The following R3HDM1 variants were observed in gnomAD, a reference collection of about 807,000 sequenced individuals.
R3HDM1 encodes the protein R3H domain containing 1.
Under a neutral mutation model 141.1 loss-of-function variants are expected in R3HDM1, and 46 were observed. The observed-to-expected ratio is 0.33, with a 90% CI of 0.26 to 0.42. R3HDM1 has a LOEUF of 0.42. R3HDM1 is among the 10% of genes least tolerant of loss of function. R3HDM1 has a pLI of 1.00. For synonymous variants in R3HDM1, 435 were observed against 472.9 expected, an observed-to-expected ratio of 0.92 and a Z score of 1.04; for missense variants, 1,184 against 1,368.3, an observed-to-expected ratio of 0.87 and a Z score of 2.12.
chr2:135,640,640 G>C (rs2063704544), intron 14 of R3HDM1, among the ~76,000 whole-genome samples: 1 of 152,162 alleles, frequency 6.6e-6, no homozygotes, highest in Non-Finnish European at 1.5e-5. Context: ...CTGTCCTTCA[G>C]AAGGCAATCT....
At position 135,693,124 on chromosome 2, in the gene R3HDM1, A is replaced by T. The variant is rs191456586; in HGVS notation, c.2459+12800A>T. Among the ~76,000 whole-genome samples the T allele has an allele frequency of 2.3e-4, 35 of 152,350 alleles. 1 individual carries two copies. The highest frequency in any genetic ancestry group is 1.4e-3 in the Admixed American group (22 of 15,304). Reference sequence around the variant, plus strand: ...CAAGGGGAAAAATAAGTTTCCATAAATTTTTATTGCTAAAATTCAAAATAT... The same window carrying T: ...CAAGGGGAAAAATAAGTTTCCATAATTTTTTATTGCTAAAATTCAAAATAT... On this transcript the variant is annotated intron_variant, in intron 21 of 26. Coordinates refer to ENST00000683871, the MANE Select transcript of R3HDM1 (RefSeq NM_001378107.1).
intron 3 of R3HDM1, chr2:135,607,892 T>G (rs953924312): frequency 9.2e-6 from 9 of 982,654 alleles, no homozygotes; most frequent in African/African-American, 3.5e-5. Context: ...GGGTATGGTC[T>G]TTGACCTCTT....
intron 3 of R3HDM1, chr2:135,605,744 G>C (rs2105116443): frequency 6.6e-6 from 1 of 152,494 alleles, no homozygotes; most frequent in African/African-American, 2.4e-5. Flanking sequence ...GAGTGCAGTG[G>C]TGTGATCTCG....
intron 19 of R3HDM1, among the ~76,000 whole-genome samples, chr2:135,674,074 G>A (rs1373836444): frequency 6.6e-6 from 1 of 152,026 alleles, no homozygotes; most frequent in East Asian, 1.9e-4. Flanking sequence ...ACCTGGCCAA[G>A]ATTTTTAGTT....
chr2:135,634,510 G>A (rs2063063209), intron 9 of R3HDM1, among the ~76,000 whole-genome samples: 1 of 152,066 alleles, frequency 6.6e-6, no homozygotes, highest in African/African-American at 2.4e-5. Context: ...TGGGCATGGT[G>A]GCACCCTCCT....
chr2:135,543,556 T>C (rs1050588707), intron 1 of R3HDM1, among the ~76,000 whole-genome samples: 2 of 152,058 alleles, frequency 1.3e-5, no homozygotes, highest in African/African-American at 4.8e-5. Context: ...TGTAAGTCAA[T>C]GTGGATAGTA....
intron 7 of R3HDM1, chr2:135,622,946 A>T (rs1208293074): frequency 6.1e-6 from 6 of 980,732 alleles, no homozygotes; most frequent in Non-Finnish European, 7.3e-6. Flanking sequence ...ATGATGTATG[A>T]ATTTTGGGAA....
intron 16 of R3HDM1, among the ~76,000 whole-genome samples, chr2:135,647,102 T>C (rs2064543028): frequency 6.6e-6 from 1 of 152,214 alleles, no homozygotes; most frequent in Non-Finnish European, 1.5e-5. Context: ...TTACAAGTTA[T>C]GGATATACTT....
At chr2:135,622,620 C>T (rs2105182124) in intron 6 of R3HDM1, 34 bp from the exon 7 acceptor site, 1 of 1,563,088 alleles carries the variant, frequency 6.4e-7, no homozygotes, top group East Asian at 2.3e-5. Flanking sequence ...TTTCAAACAA[C>T]TTTATACTGG....
intron 18 of R3HDM1, among the ~76,000 whole-genome samples, chr2:135,655,997 C>T (rs1185497384): frequency 3.3e-5 from 5 of 152,070 alleles, no homozygotes; most frequent in Middle Eastern, 6.8e-3. Context: ...GATGTTTTTT[C>T]GTTTACTCTG....
intron 1 of R3HDM1, among the ~76,000 whole-genome samples, chr2:135,582,986 T>C (rs1434641468): frequency 6.6e-6 from 1 of 152,244 alleles, no homozygotes; most frequent in Non-Finnish European, 1.5e-5. Context: ...GATAGCCTTC[T>C]GTCTTCACCA....
chr2:135,658,165 G>T (rs1001200310), intron 18 of R3HDM1, among the ~76,000 whole-genome samples: 20 of 151,956 alleles, frequency 1.3e-4, no homozygotes, highest in Non-Finnish European at 2.9e-5. Flanking sequence ...GTGGTTTTTT[G>T]TTTTGTTTTT....
At chr2:135,661,143 G>A in intron 18 of R3HDM1, 127 bp from the exon 19 acceptor site, 4 of 1,200,488 alleles carry the variant, frequency 3.3e-6, no homozygotes, top group Non-Finnish European at 4.5e-6. Flanking sequence ...TTAAATTTAA[G>A]AAAAATCAGT....
chr2:135,596,674 A>G (rs747569367), intron 1 of R3HDM1, among the ~76,000 whole-genome samples: 2 of 152,090 alleles, frequency 1.3e-5, no homozygotes, highest in Non-Finnish European at 2.9e-5. Flanking sequence ...AAACATTCTG[A>G]CATTCTTCTT....
At chr2:135,536,911 C>G (rs1696250596) in intron 1 of R3HDM1, 3 of 167,782 alleles carry the variant, frequency 1.8e-5, no homozygotes, top group Non-Finnish European at 3.6e-5. Context: ...TTGCGTGCTT[C>G]TTATGAGAAT....
intron 3 of R3HDM1, among the ~76,000 whole-genome samples, chr2:135,610,758 CTT>C (rs922889960): frequency 2.6e-5 from 4 of 152,136 alleles, no homozygotes; most frequent in Non-Finnish European, 5.9e-5. Context: ...ATAAAAGTCT[CTT>C]TATATAAAAT....
intron 1 of R3HDM1, among the ~76,000 whole-genome samples, chr2:135,557,305 A>G (rs961833800): frequency 3.9e-5 from 6 of 151,932 alleles, no homozygotes; most frequent in African/African-American, 1.5e-4. Flanking sequence ...TAACGTAAGT[A>G]TATCCTTTGT....
intron 21 of R3HDM1, among the ~76,000 whole-genome samples, chr2:135,687,320 G>A (rs1441197097): frequency 6.6e-6 from 1 of 152,186 alleles, no homozygotes; most frequent in Non-Finnish European, 1.5e-5. Context: ...TTTTATGCAA[G>A]ATGAATGAAC....
chr2:135,535,376 G>A (rs1344457552), intron 1 of R3HDM1, among the ~76,000 whole-genome samples: 2 of 152,030 alleles, frequency 1.3e-5, no homozygotes, highest in East Asian at 3.9e-4. Flanking sequence ...GCGGGTGCCT[G>A]TAGTCCCAGC....
Sources: allele counts gnomAD v4.1 joint callset (sites outside exome capture counted in the v4.1 genomes callset), GRCh38; gene constraint gnomAD v4.1.1; transcripts MANE v1.5; gene names NCBI Gene and HGNC (gene_info 2026-07-23, HGNC 2026-07-21).